The following KIAA0319 variants were observed in gnomAD, a reference collection of about 807,000 sequenced individuals.
The protein encoded by KIAA0319 is dyslexia-associated protein KIAA0319.
In KIAA0319, 83 loss-of-function variants were observed where a neutral mutation model predicts 108.4. The ratio of observed to expected loss-of-function variants is 0.77; its 90% CI spans 0.64 to 0.92. The LOEUF (loss-of-function observed/expected upper bound fraction) is 0.92, where lower values mean the gene tolerates loss of function less well. Among genes scored for constraint, KIAA0319 ranks in the 40% least tolerant of loss-of-function variants. The pLI is 0.00. For missense variants in KIAA0319, 1,195 were observed against 1,322.4 expected, an observed-to-expected ratio of 0.90 and a Z score of 1.49; for synonymous variants, 484 against 510.4, an observed-to-expected ratio of 0.95 and a Z score of 0.70.
At chr6:24,616,360 T>C (rs1246003291) in intron 1 of KIAA0319, among the ~76,000 whole-genome samples, 1 of 152,188 alleles carries the variant, frequency 6.6e-6, no homozygotes, top group African/African-American at 2.4e-5. Context: ...TTTAATAAGG[T>C]TATTATATAT....
chr6:24,573,952 T>C (rs1765103579), intron 10 of KIAA0319, among the ~76,000 whole-genome samples: 2 of 151,732 alleles, frequency 1.3e-5, no homozygotes, highest in Admixed American at 6.6e-5. Context: ...CCGTCTCTAC[T>C]AAAAATACAA....
chr6:24,588,768 A>G lies in KIAA0319; in HGVS notation c.819T>C (p.His273=), dbSNP rs201424737. ...GCTCCAGGCTTGCCGGAGGAAGACT[A>G]TGGGAAGGCATTAGAACCTACGAGA... ...SSGKEVLMPS[H]SLPPASLELS... is the part of the protein sequence containing the mutation. The change falls in exon 4 of 21, where the codon CAT becomes CAC. Residue 273 remains histidine (H), a synonymous_variant. Transcript: ENST00000378214. 5.6e-6 allele frequency: 9 copies of G among 1,613,708 alleles called. No individual in the cohort carries two copies. Among genetic ancestry groups the G allele is most frequent in the African/African-American group, 1.3e-5 (1 of 74,852 alleles).
chr6:24,614,820 A>G (rs1195133812), intron 1 of KIAA0319, among the ~76,000 whole-genome samples: 1 of 152,086 alleles, frequency 6.6e-6, no homozygotes, highest in Non-Finnish European at 1.5e-5. Context: ...GCATTGTTTT[A>G]CCAGCCAGCC....
chr6:24,579,942 C>T lies in KIAA0319; in HGVS notation c.1288G>A (p.Val430Ile). The change falls in exon 8 of 21, where the codon GTC becomes ATC. Residue 430 changes from valine to isoleucine, a missense_variant. Coordinates refer to ENST00000378214, the MANE Select transcript of KIAA0319 (RefSeq NM_014809.4). ...VNVTVKPARR[V>I]NLPPVAVVSP... ...ACAACTGCTACAGGTGGCAGGTTGA[C>T]TCTTCTGGCTGTAACAAAAAAAAGG... 6.3e-7 allele frequency: 1 copy of T among 1,588,422 alleles called. No homozygotes were observed. Among genetic ancestry groups the T allele is most frequent in the Non-Finnish European group, 8.6e-7 (1 of 1,167,294 alleles).
chr6:24,612,861 C>G (rs911500884), intron 1 of KIAA0319, among the ~76,000 whole-genome samples: 10 of 152,090 alleles, frequency 6.6e-5, no homozygotes, highest in African/African-American at 2.4e-4. Context: ...TGCAGTGGCA[C>G]GATCTCCGCT....
intron 3 of KIAA0319, among the ~76,000 whole-genome samples, chr6:24,590,969 C>T (rs1364824570): frequency 7.2e-5 from 11 of 152,190 alleles, no homozygotes; most frequent in African/African-American, 2.7e-4. Context: ...TCAAGTTAAC[C>T]TGGGCCTCGT....
Position 24,596,426 on chromosome 6 carries a change from G to T in KIAA0319, c.248C>A (p.Pro83His). The T allele has an allele frequency of 6.2e-7, 1 of 1,614,174 alleles. No homozygotes were observed. The highest frequency in any genetic ancestry group is 8.5e-7 in the Non-Finnish European group (1 of 1,180,028). ...FEGRCYLVSCPHKENCEPKKM... is the reference protein window; with the variant it reads ...FEGRCYLVSCHHKENCEPKKM... ...CTTGGGCTCACAGTTCTCTTTGTGG[G>T]GGCAGCTCACCAGGTAGCAGCGGCC... The change falls in exon 3 of 21, where the codon CCC (proline) becomes CAC (histidine). Residue 83 changes from proline (P) to histidine (H), a missense_variant. Physicochemically the swap from Pro to His is moderately conservative, Grantham distance 77. Transcript: ENST00000378214.
intron 1 of KIAA0319, among the ~76,000 whole-genome samples, chr6:24,609,268 A>G (rs1236894269): frequency 7.4e-6 from 1 of 135,096 alleles, no homozygotes; most frequent in East Asian, 2.1e-4. Context: ...ACCCTGTCTC[A>G]AAAACAAAAA....
At chr6:24,559,984 C>A (rs559396273) in intron 16 of KIAA0319, among the ~76,000 whole-genome samples, 1 of 152,338 alleles carries the variant, frequency 6.6e-6, no homozygotes, top group Admixed American at 6.5e-5. Flanking sequence ...TGGCTTCTTT[C>A]ACTTACCATC....
rs539893618 is a variant in KIAA0319 at position 24,551,135 on chromosome 6, C to T, written c.3040+299G>A. 1.3e-3 allele frequency among the ~76,000 whole-genome samples: 186 copies of T among 146,068 alleles called. 1 individual carries two copies. Among genetic ancestry groups the T allele is most frequent in the Middle Eastern group, 3.7e-3 (1 of 272 alleles). On this transcript the variant is annotated intron_variant, in intron 20 of 20. Coordinates refer to ENST00000378214, the MANE Select transcript of KIAA0319 (RefSeq NM_014809.4). ...CTGGGACTACAGGCGCACACCACCA[C>T]GCCCGGCTAATTTTTTTTTTTTTTG...
At chr6:24,606,072 C>T (rs1289777363) in intron 1 of KIAA0319, among the ~76,000 whole-genome samples, 3 of 151,994 alleles carry the variant, frequency 2.0e-5, no homozygotes, top group African/African-American at 4.8e-5. Context: ...GTAGCTGGGA[C>T]GACAGGTGCC....
chr6:24,635,143 T>C (rs1776038315), intron 1 of KIAA0319, among the ~76,000 whole-genome samples: 1 of 151,986 alleles, frequency 6.6e-6, no homozygotes, highest in Non-Finnish European at 1.5e-5. Context: ...TTCACTATTG[T>C]TGCCCAGGCT....
Position 24,568,285 on chromosome 6 carries a change from C to G in KIAA0319, c.2140+496G>C, listed in dbSNP as rs1581969342. 4.6e-5 allele frequency among the ~76,000 whole-genome samples: 7 copies of G among 152,332 alleles called. 1 individual carries two copies. The highest frequency in any genetic ancestry group is 1.7e-4 in the African/African-American group (7 of 41,560). ...TCTGATTTGCCATGAGTCTAGCACTCTGCTATACTGAGGCTATACTGAGGA... is the reference window on the plus strand; with the variant it reads ...TCTGATTTGCCATGAGTCTAGCACTGTGCTATACTGAGGCTATACTGAGGA... On this transcript the variant is annotated intron_variant, in intron 13 of 20. Coordinates refer to ENST00000378214, the MANE Select transcript of KIAA0319 (RefSeq NM_014809.4).
intron 16 of KIAA0319, among the ~76,000 whole-genome samples, 171 bp downstream of exon 16, chr6:24,563,188 A>G (rs1763331231): frequency 6.6e-6 from 1 of 152,262 alleles, no homozygotes; most frequent in South Asian, 2.1e-4. Flanking sequence ...AGGACCTAGC[A>G]TGATGTTGGC....
In KIAA0319 at chr6:24,588,696, C is replaced by T. The variant is rs767798827; in HGVS notation, c.891G>A (p.Pro297=). 22 of 1,613,786 alleles carry T rather than the reference C, an allele frequency of 1.4e-5. No individual in the cohort carries two copies. The highest frequency in any genetic ancestry group is 4.5e-5 in the East Asian group (2 of 44,886). ...VEKSPVLTVT[P]GSTEHSIPTP... ...TTGGGATGCTGTGCTCTGTACTCCC[C>T]GGGGTGACTGTGAGCACTGGGCTTT... Residue 297 remains proline, a synonymous_variant, in exon 4 of 21, where the codon CCG becomes CCA. Transcript: ENST00000378214.
At chr6:24,635,588 A>C (rs1212436163) in intron 1 of KIAA0319, among the ~76,000 whole-genome samples, 1 of 152,174 alleles carries the variant, frequency 6.6e-6, no homozygotes, top group African/African-American at 2.4e-5. Flanking sequence ...GAAATCTTCC[A>C]TTCCTGGCTT....
At position 24,546,616 on chromosome 6, in the gene KIAA0319, G is replaced by A. The variant is rs1368878990; in HGVS notation, c.*549C>T. 3 of 152,718 alleles carry A rather than the reference G, an allele frequency of 2.0e-5. No homozygotes were observed. Among genetic ancestry groups the A allele is most frequent in the African/African-American group, 7.2e-5 (3 of 41,444 alleles). The allele number at this position is 152,718 out of a possible 1,614,324, so 9.5% of individuals were successfully genotyped here. ...TGACATAGCACAGAATTAAAAACCAGGAGGGCTTGGCACTGTGCGAGTGTT... is the reference window on the plus strand; with the variant it reads ...TGACATAGCACAGAATTAAAAACCAAGAGGGCTTGGCACTGTGCGAGTGTT... On this transcript the variant is annotated 3_prime_UTR_variant, in exon 21 of 21. Transcript: ENST00000378214.
chr6:24,572,559 T>C lies in KIAA0319; in HGVS notation c.1858+16A>G. 6.2e-7 allele frequency: 1 copy of C among 1,606,194 alleles called. No homozygotes were observed. Among genetic ancestry groups the C allele is most frequent in the Non-Finnish European group, 8.5e-7 (1 of 1,177,906 alleles). ...GCTTTAATCTCTGAGGCCAAATCTCTTTCTCCTCCACCTACCAGGCTGGAC... is the reference window on the plus strand; with the variant it reads ...GCTTTAATCTCTGAGGCCAAATCTCCTTCTCCTCCACCTACCAGGCTGGAC... On this transcript the variant is annotated intron_variant, in intron 11 of 20. Coordinates refer to ENST00000378214, the MANE Select transcript of KIAA0319 (RefSeq NM_014809.4).
At position 24,546,889 on chromosome 6, in the gene KIAA0319, T is replaced by G; in HGVS notation, c.*276A>C. 3.3e-6 allele frequency: 1 copy of G among 307,344 alleles called. No homozygotes were observed. Among genetic ancestry groups the G allele is most frequent in the Non-Finnish European group, 6.1e-6 (1 of 163,694 alleles). 19.0% of individuals were successfully genotyped at this position (307,344 alleles called of 1,614,324 possible). A position where few individuals can be genotyped will look rare whatever the true frequency, so the allele number is the denominator to read the frequency against. On this transcript the variant is annotated 3_prime_UTR_variant, in exon 21 of 21. Coordinates refer to ENST00000378214, the MANE Select transcript of KIAA0319 (RefSeq NM_014809.4). ...TAGAAATCGTTGTTCATCTTTAATA[T>G]GAGATTGTGCCAGCTACAAAAACTC...
Sources: gnomAD v4.1 joint callset for allele counts (sites outside exome capture counted in the v4.1 genomes callset) on GRCh38, gnomAD v4.1.1 for gene constraint, MANE v1.5 for transcripts, NCBI Gene and HGNC (gene_info 2026-07-23, HGNC 2026-07-21) for gene names.